Variants in PALLD observed in about 807,000 individuals in gnomAD.
PALLD encodes the protein palladin.
Under a neutral mutation model 123.5 loss-of-function variants are expected in PALLD, and 61 were observed. That is an observed-to-expected ratio of 0.49 (90% CI 0.40 to 0.61). The LOEUF is 0.61. PALLD is among the 20% of genes least tolerant of loss of function. The pLI is 0.00. For synonymous variants in PALLD, 465 were observed against 496.4 expected, an observed-to-expected ratio of 0.94 and a Z score of 0.84; for missense variants, 1,273 against 1,377.0, an observed-to-expected ratio of 0.92 and a Z score of 1.20.
intron 2 of PALLD, among the ~76,000 whole-genome samples, chr4:168,602,924 C>T (rs1385743954): frequency 8.9e-6 from 1 of 112,254 alleles, no homozygotes; most frequent in Non-Finnish European, 1.8e-5. Context: ...ACCACCATGC[C>T]CAGCTAATTA....
chr4:168,853,592 C>T (rs1448560462), intron 10 of PALLD, among the ~76,000 whole-genome samples: 3 of 151,924 alleles, frequency 2.0e-5, no homozygotes, highest in African/African-American at 4.8e-5. Context: ...CATCTGAAGG[C>T]TAAATGGGAG....
chr4:168,560,701 A>G (rs557493947), intron 2 of PALLD, among the ~76,000 whole-genome samples: 1 of 152,196 alleles, frequency 6.6e-6, no homozygotes, highest in Non-Finnish European at 1.5e-5. Flanking sequence ...CATGTATTCA[A>G]CCAACATTTG....
chr4:168,911,807 C>T (rs1480195591), intron 15 of PALLD, among the ~76,000 whole-genome samples: 1 of 152,160 alleles, frequency 6.6e-6, no homozygotes, highest in Non-Finnish European at 1.5e-5. Flanking sequence ...GACTTCATGT[C>T]TCCTTGGAAA....
At chr4:168,705,341 G>A (rs183357350) in intron 8 of PALLD, among the ~76,000 whole-genome samples, 35 of 152,282 alleles carry the variant, frequency 2.3e-4, no homozygotes, top group African/African-American at 7.9e-4. Flanking sequence ...TTAAGACAGT[G>A]TACTCTTAAA....
intron 2 of PALLD, among the ~76,000 whole-genome samples, chr4:168,627,145 G>A (rs1459653635): frequency 6.6e-6 from 1 of 152,140 alleles, no homozygotes; most frequent in Non-Finnish European, 1.5e-5. Context: ...AAGTGGTAGT[G>A]GGGCAACTGG....
chr4:168,527,422 C>CAAAAAAAAAAAAAAAAAAAAAAAAA (rs35555541), intron 2 of PALLD, among the ~76,000 whole-genome samples: 7 of 52,916 alleles, frequency 1.3e-4, no homozygotes, highest in South Asian at 6.6e-4. Flanking sequence ...AACTCCATCT[C>CAAAAAAAAAAAAAAAAAAAAAAAAA]AAAAAAAAAA....
rs529009288 is a variant in PALLD at position 168,812,877 on chromosome 4, G to A, written c.1965-78045G>A. Among the ~76,000 whole-genome samples the A allele has an allele frequency of 3.3e-5, 5 of 152,280 alleles. No individual in the cohort carries two copies. In the East Asian group the frequency reaches 5.8e-4, roughly 18 times the overall value. ...CCTTCTTTCCCCATCAAAACCTGGA[G>A]TATAAATGTGGGCGTGGAAATTAGA... On this transcript the variant is annotated intron_variant, in intron 10 of 21. Transcript: ENST00000505667.
intron 2 of PALLD, among the ~76,000 whole-genome samples, chr4:168,596,984 AT>A (rs992850513): frequency 2.0e-5 from 3 of 152,206 alleles, no homozygotes; most frequent in Non-Finnish European, 4.4e-5. Context: ...AAAATTGAAT[AT>A]TTTTTAATGG....
At chr4:168,566,801 T>C (rs1768434473) in intron 2 of PALLD, among the ~76,000 whole-genome samples, 1 of 152,218 alleles carries the variant, frequency 6.6e-6, no homozygotes, top group South Asian at 2.1e-4. Context: ...AGAAGAAATC[T>C]GCATATTAAT....
chr4:168,889,713 GTTTC>G (rs1753892318), intron 10 of PALLD, among the ~76,000 whole-genome samples: 2 of 152,020 alleles, frequency 1.3e-5, no homozygotes, highest in Non-Finnish European at 2.9e-5. Flanking sequence ...GCTCCCCTCA[GTTTC>G]TTTCTAAAAC....
chr4:168,859,809 T>A (rs1749170827), intron 10 of PALLD, among the ~76,000 whole-genome samples: 1 of 152,184 alleles, frequency 6.6e-6, no homozygotes, highest in South Asian at 2.1e-4. Context: ...AGACCACATA[T>A]GCAGTTTGTT....
At chr4:168,831,938 C>A in intron 10 of PALLD, 1 of 922,660 alleles carries the variant, frequency 1.1e-6, no homozygotes, top group South Asian at 5.0e-5. Flanking sequence ...GCCTCCCTAA[C>A]CTGGGGGCCG....
At chr4:168,920,710 G>A (rs1761299396) in intron 17 of PALLD, among the ~76,000 whole-genome samples, 2 of 152,254 alleles carry the variant, frequency 1.3e-5, no homozygotes, top group South Asian at 2.1e-4. Flanking sequence ...ATGGTAATTT[G>A]TTGAGATGGC....
intron 2 of PALLD, among the ~76,000 whole-genome samples, chr4:168,516,463 T>C (rs960078185): frequency 1.4e-4 from 21 of 152,310 alleles, no homozygotes; most frequent in African/African-American, 4.8e-4. Context: ...TTAAAGGTAT[T>C]TATTTATTTT....
In PALLD at chr4:168,882,858, G is replaced by A. The variant is rs76084451; in HGVS notation, c.1965-8064G>A. ...CAGAATGAATGAACAGAAGTAACCCGAAGCCAGTGGATCACGAGGTCAGGA... is the reference window on the plus strand; with the variant it reads ...CAGAATGAATGAACAGAAGTAACCCAAAGCCAGTGGATCACGAGGTCAGGA... On this transcript the variant is annotated intron_variant, in intron 10 of 21. Coordinates refer to ENST00000505667, the MANE Select transcript of PALLD (RefSeq NM_001166108.2). 6.8e-3 allele frequency among the ~76,000 whole-genome samples: 1,030 copies of A among 152,202 alleles called. 9 individuals are homozygous for A. Among genetic ancestry groups the A allele is most frequent in the Non-Finnish European group, 0.011 (747 of 68,018 alleles).
At chr4:168,658,877 G>A (rs1778863396) in intron 2 of PALLD, among the ~76,000 whole-genome samples, 1 of 152,038 alleles carries the variant, frequency 6.6e-6, no homozygotes, top group African/African-American at 2.4e-5. Context: ...GTCTCTTTGG[G>A]GCCATAAGGT....
chr4:168,875,349 AAATAGCTT>A (rs1751607055), intron 10 of PALLD, among the ~76,000 whole-genome samples: 1 of 152,226 alleles, frequency 6.6e-6, no homozygotes, highest in South Asian at 2.1e-4. Flanking sequence ...ACTTTTCTAA[AAATAGCTT>A]AATGAGGAAG....
At chr4:168,726,575 G>T (rs758753001) in intron 10 of PALLD, among the ~76,000 whole-genome samples, 24 of 151,822 alleles carry the variant, frequency 1.6e-4, no homozygotes, top group African/African-American at 5.8e-4. Flanking sequence ...TAGAGACAGG[G>T]TCTTGCTTTG....
intron 10 of PALLD, among the ~76,000 whole-genome samples, chr4:168,766,920 T>C (rs567252802): frequency 6.2e-4 from 95 of 152,320 alleles, no homozygotes; most frequent in African/African-American, 2.2e-3. Flanking sequence ...TGGCAGCTCA[T>C]CAAGTATTTA....
Sources: allele counts gnomAD v4.1 joint callset (sites outside exome capture counted in the v4.1 genomes callset), GRCh38; gene constraint gnomAD v4.1.1; transcripts MANE v1.5; gene names NCBI Gene and HGNC (gene_info 2026-07-23, HGNC 2026-07-21).